The following FBRSL1 variants were observed in gnomAD, a reference collection of about 807,000 sequenced individuals.
The protein encoded by FBRSL1 is fibrosin-1-like protein.
FBRSL1 carries 51 observed loss-of-function variants against 89.6 expected under a neutral mutation model. That is an observed-to-expected ratio of 0.57 (90% CI 0.45 to 0.72). The LOEUF is 0.72. FBRSL1 is among the 30% of genes least tolerant of loss of function. The pLI is 0.00. For synonymous variants in FBRSL1, 779 were observed against 681.1 expected (o/e 1.14, Z -2.24); for missense variants, 1,618 against 1,451.8 (o/e 1.11, Z -1.86).
chr12:132,501,186 G>A (rs766929651), intron 1 of FBRSL1, among the ~76,000 whole-genome samples: 4 of 152,068 alleles, frequency 2.6e-5, no homozygotes, highest in South Asian at 2.1e-4. Context: ...GGTCGGCCTC[G>A]TGGTCCTGTT....
intron 15 of FBRSL1, 92 bp from the exon 16 acceptor site, chr12:132,581,347 A>G: frequency 6.5e-7 from 1 of 1,546,110 alleles, no homozygotes; most frequent in Non-Finnish European, 8.7e-7. Flanking sequence ...AGGTTCACAG[A>G]GGAAATTGGG....
chr12:132,509,092 G>T (rs1474368226), intron 2 of FBRSL1: 10 of 1,194,318 alleles, frequency 8.4e-6, no homozygotes, highest in Non-Finnish European at 1.0e-5. Flanking sequence ...CATGCCTCCT[G>T]GGCCCGGGCT....
chr12:132,567,545 C>T lies in FBRSL1; in HGVS notation c.691+19C>T. ...GATAAAGGTAAGTGGGTCCCCTCGG[C>T]CCAGCTCCTGGGCCTCTGAAGAGAC... is the stretch of plus-strand genomic sequence containing the variant. On this transcript the variant is annotated intron_variant, in intron 6 of 18. Coordinates refer to ENST00000680143, the MANE Select transcript of FBRSL1 (RefSeq NM_001367871.1). The T allele has an allele frequency of 1.3e-6, 2 of 1,550,550 alleles. No individual in the cohort carries two copies. The highest frequency in any genetic ancestry group is 2.4e-5 in the East Asian group (1 of 40,916).
chr12:132,561,594 C>T (rs1450699431), intron 5 of FBRSL1, among the ~76,000 whole-genome samples: 1 of 152,006 alleles, frequency 6.6e-6, no homozygotes, highest in East Asian at 1.9e-4. Flanking sequence ...CCTCAGCACC[C>T]GCCTCCTTCC....
In FBRSL1 at chr12:132,548,044, G is replaced by A. The variant is rs956027994; in HGVS notation, c.645+12G>A. On this transcript the variant is annotated intron_variant, in intron 5 of 18. Coordinates refer to ENST00000680143, the MANE Select transcript of FBRSL1 (RefSeq NM_001367871.1). ...GCCCGGACGACAAGGTAAGCCCAGC[G>A]TCCTCCTCCTGGGCTCGGCTGACAG... The A allele has an allele frequency of 3.4e-5, 53 of 1,549,938 alleles. No homozygotes were observed. Among genetic ancestry groups the A allele is most frequent in the East Asian group, 1.5e-4 (6 of 40,912 alleles).
intron 4 of FBRSL1, among the ~76,000 whole-genome samples, chr12:132,535,494 G>A (rs2036633651): frequency 6.6e-6 from 1 of 152,264 alleles, no homozygotes; most frequent in Non-Finnish European, 1.5e-5. Context: ...TGCTGGTTGG[G>A]TGTGAAGAGG....
intron 12 of FBRSL1, 72 bp downstream of exon 12, chr12:132,574,230 G>GGCCACAGCAGACGGGCTGGTT: frequency 1.2e-5 from 18 of 1,443,880 alleles, no homozygotes; most frequent in Non-Finnish European, 1.6e-5. Flanking sequence ...GCGGGCTGGT[G>GGCCACAGCAGACGGGCTGGTT]GCCACAGCAG....
rs139908751 is a variant in FBRSL1 at position 132,551,511 on chromosome 12, T to C, written c.645+3479T>C. On this transcript the variant is annotated intron_variant, in intron 5 of 18. Coordinates refer to ENST00000680143, the MANE Select transcript of FBRSL1 (RefSeq NM_001367871.1). ...GTGGTGGGGAGGGCGCGGGCGCATGTCTCAGGCCAGTGCACTTCACATCTC... is the reference window on the plus strand; with the variant it reads ...GTGGTGGGGAGGGCGCGGGCGCATGCCTCAGGCCAGTGCACTTCACATCTC... The C allele has an allele frequency of 2.0e-3, 917 of 456,244 alleles. 4 individuals are homozygous for C. The highest frequency in any genetic ancestry group is 0.015 in the African/African-American group (745 of 50,186). The allele number at this position is 456,244 out of a possible 1,614,324, so 28.3% of individuals were successfully genotyped here. A position where few individuals can be genotyped will look rare whatever the true frequency, so the allele number is the denominator to read the frequency against.
In FBRSL1 at chr12:132,546,395, T is replaced by TGGG. The variant is rs1358358635; in HGVS notation, c.616-1607_616-1605dup. Among the ~76,000 whole-genome samples, 1 of 151,870 alleles carries TGGG rather than the reference T, an allele frequency of 6.6e-6. No homozygotes were observed. The highest frequency in any genetic ancestry group is 1.9e-4 in the East Asian group (1 of 5,142). ...CTTGGAGCCCTCAGTTCTTGTGTGG[T>TGGG]GGGCCGGGCTGGGCGGGTGCAGGTG... On this transcript the variant is annotated intron_variant, in intron 4 of 18. Coordinates refer to ENST00000680143, the MANE Select transcript of FBRSL1 (RefSeq NM_001367871.1). This position sits in a 1 kb window ranked among gnomAD's most constrained non-coding sequence, Gnocchi z 4.0.
chr12:132,511,849 G>A, intron 2 of FBRSL1: 3 of 967,648 alleles, frequency 3.1e-6, no homozygotes, highest in Non-Finnish European at 2.5e-6. Flanking sequence ...ACCCACCCGG[G>A]CCCCTTCCTC....
At chr12:132,550,435 G>A (rs558141360) in intron 5 of FBRSL1, among the ~76,000 whole-genome samples, 12 of 152,330 alleles carry the variant, frequency 7.9e-5, no homozygotes, top group African/African-American at 2.9e-4. Context: ...CTGGCAGAGT[G>A]GGTGGGACCT....
At chr12:132,509,553 C>T (rs1388263762) in intron 2 of FBRSL1, 28 of 1,233,122 alleles carry the variant, frequency 2.3e-5, no homozygotes, top group African/African-American at 4.7e-5. Flanking sequence ...CAGGCGCCTG[C>T]GGTCCCTGCT....
rs561578202 is a variant in FBRSL1, at chr12:132,505,209, G to A, written c.292-2944G>A. 1.1e-3 allele frequency among the ~76,000 whole-genome samples: 163 copies of A among 152,334 alleles called. 1 individual carries two copies. The highest frequency in any genetic ancestry group is 3.7e-3 in the African/African-American group (155 of 41,580). On this transcript the variant is annotated intron_variant, in intron 1 of 18. Transcript: ENST00000680143. ...CTCACTGCGGTGAACACGATGAAGT[G>A]GGTGAGCGCGGCCGCTGCTGGTCTC...
At chr12:132,526,584 C>T (rs564536748) in intron 3 of FBRSL1, among the ~76,000 whole-genome samples, 3 of 152,316 alleles carry the variant, frequency 2.0e-5, no homozygotes, top group Admixed American at 2.0e-4. Context: ...CAGGAGCTGA[C>T]CTGTCCCCGG....
chr12:132,581,549 G>C (rs937962511), intron 16 of FBRSL1, 33 bp downstream of exon 16: 2 of 1,548,268 alleles, frequency 1.3e-6, no homozygotes, highest in Admixed American at 2.0e-5. Flanking sequence ...CACGCAGCCT[G>C]GCTGGTTCCT....
chr12:132,547,522 A>G (rs538637789), intron 4 of FBRSL1, among the ~76,000 whole-genome samples: 1 of 152,200 alleles, frequency 6.6e-6, no homozygotes, highest in East Asian at 1.9e-4. Flanking sequence ...TCTGCCCACC[A>G]TCAGGAGCTG....
At chr12:132,509,585 G>A (rs1325813610) in intron 2 of FBRSL1, 29 of 1,231,470 alleles carry the variant, frequency 2.4e-5, no homozygotes, top group Non-Finnish European at 2.8e-5. Context: ...ACCACTGCCG[G>A]CGCCTGCGGT....
Position 132,583,519 on chromosome 12 carries a change from T to G in FBRSL1, c.2750T>G (p.Leu917Trp). The G allele has an allele frequency of 9.6e-7, 1 of 1,045,940 alleles. No homozygotes were observed. The highest frequency in any genetic ancestry group is 1.2e-6 in the Non-Finnish European group (1 of 868,570). The allele number at this position is 1,045,940 out of a possible 1,614,324, so 64.8% of individuals were successfully genotyped here. ...CACCTGCCGCCCGCCGCCCCCGCCT[T>G]GGACGGCGCGCTGCTGCCCTCGCTG... ...APHLPPAAPA[L>W]DGALLPSLGA... Residue 917 changes from leucine (L) to tryptophan (W), a missense_variant, in exon 19 of 19, where the codon TTG becomes TGG. Leu to Trp is a moderately conservative substitution (Grantham distance 61). Transcript: ENST00000680143.
chr12:132,575,219 G>A (rs1273172860), intron 14 of FBRSL1, among the ~76,000 whole-genome samples: 1 of 151,920 alleles, frequency 6.6e-6, no homozygotes, highest in East Asian at 1.9e-4. Context: ...ACTCAGAGCA[G>A]AATGCTGTAT....
Sources: gnomAD v4.1 joint callset for allele counts (sites outside exome capture counted in the v4.1 genomes callset) on GRCh38, gnomAD v4.1.1 for gene constraint, Gnocchi (gnomAD v3.1) non-coding constraint, MANE v1.5 for transcripts, NCBI Gene and HGNC (gene_info 2026-07-23, HGNC 2026-07-21) for gene names.